The following NFU1 variants were observed in gnomAD, a reference collection of about 807,000 sequenced individuals.
NFU1 encodes the protein NFU1 iron-sulfur cluster scaffold.
NFU1 carries 30 observed loss-of-function variants against 32.2 expected under a neutral mutation model. The ratio of observed to expected loss-of-function variants is 0.93; its 90% CI spans 0.70 to 1.26. NFU1 has a LOEUF of 1.26. Ranked by LOEUF, NFU1 falls within the 50% of genes most tolerant of loss-of-function variation. The pLI, the probability that NFU1 is intolerant of heterozygous loss-of-function variation, is 0.00. For missense variants in NFU1, 306 were observed against 306.6 expected (o/e 1.00, Z 0.02); for synonymous variants, 112 against 104.6 (o/e 1.07, Z -0.43).
At chr2:69,406,589 G>A (rs1278142567) in intron 5 of NFU1, among the ~76,000 whole-genome samples, 1 of 152,020 alleles carries the variant, frequency 6.6e-6, no homozygotes, top group Non-Finnish European at 1.5e-5. Flanking sequence ...TTTTCTTCTT[G>A]AGACAGCGTT....
At chr2:69,421,206 C>T (rs1388576220) in intron 3 of NFU1, among the ~76,000 whole-genome samples, 2 of 151,638 alleles carry the variant, frequency 1.3e-5, no homozygotes, top group Non-Finnish European at 2.9e-5. Flanking sequence ...AAAGTGAAAC[C>T]TTATCTCAAA....
At chr2:69,438,891 TCCAACCCCCCAC>T (rs1390078463), upstream of NFU1, among the ~76,000 whole-genome samples, 1 of 26,808 alleles carries the variant, frequency 3.7e-5, no homozygotes, top group Non-Finnish European at 6.6e-5. Context: ...TCTTCCCCCA[TCCAACCCCCCAC>T]CCACCCCCCC....
intron 2 of NFU1, among the ~76,000 whole-genome samples, chr2:69,426,930 G>A (rs748382665): frequency 2.7e-5 from 4 of 150,812 alleles, no homozygotes; most frequent in Non-Finnish European, 3.0e-5. Flanking sequence ...TTAGCCAGAC[G>A]TGGTGGTATC....
In NFU1 at chr2:69,423,659, T is replaced by C; in HGVS notation, c.225A>G (p.Ile75Met). 6.2e-7 allele frequency: 1 copy of C among 1,612,390 alleles called. No individual in the cohort carries two copies. Among genetic ancestry groups the C allele is most frequent in the South Asian group, 1.1e-5 (1 of 91,044 alleles). Reference sequence around the variant, plus strand: ...TTGTCTCAAGAACTGGTTTTCCTGGTATAAACTTTAAGCTGTTTGGATTTG... The same window carrying C: ...TTGTCTCAAGAACTGGTTTTCCTGGCATAAACTTTAAGCTGTTTGGATTTG... ...DTPNPNSLKF[I>M]PGKPVLETRT... The change falls in exon 3 of 8, where the codon ATA becomes ATG. Residue 75 changes from isoleucine to methionine, a missense_variant. Transcript: ENST00000410022.
rs778748968 is a variant in NFU1 at position 69,431,889 on chromosome 2, G to C, written c.166+13C>G. 2 of 1,525,682 alleles carry C rather than the reference G, an allele frequency of 1.3e-6. No homozygotes were observed. The highest frequency in any genetic ancestry group is 1.8e-6 in the Non-Finnish European group (2 of 1,099,470). The allele number at this position is 1,525,682 out of a possible 1,614,324, so 94.5% of individuals were successfully genotyped here. A position where few individuals can be genotyped will look rare whatever the true frequency, so the allele number is the denominator to read the frequency against. On this transcript the variant is annotated intron_variant, in intron 2 of 7. Transcript: ENST00000410022. The stretch of plus-strand genomic sequence containing the variant: ...TCTGAAACACAACTGCTATAAAAGA[G>C]GTGAAATTTTACCTGGGTGATAAAA...
intron 6 of NFU1, among the ~76,000 whole-genome samples, chr2:69,402,996 C>CCT (rs1558810247): frequency 6.8e-6 from 1 of 147,762 alleles, no homozygotes; most frequent in African/African-American, 2.5e-5. Flanking sequence ...CCCCTCCCTC[C>CCT]CTCCTTCCTT....
intron 2 of NFU1, among the ~76,000 whole-genome samples, chr2:69,424,600 A>G (rs1673391947): frequency 6.6e-6 from 1 of 152,072 alleles, no homozygotes; most frequent in African/African-American, 2.4e-5. Context: ...TACACTGATT[A>G]TTTAAATAGT....
intron 7 of NFU1, among the ~76,000 whole-genome samples, chr2:69,397,043 C>G (rs1290998267): frequency 6.6e-6 from 1 of 151,434 alleles, no homozygotes; most frequent in African/African-American, 2.4e-5. Context: ...ATAGAGCACT[C>G]CAGCTTGGTG....
chr2:69,412,410 GGA>G (rs1284896144), intron 5 of NFU1, among the ~76,000 whole-genome samples: 1 of 149,970 alleles, frequency 6.7e-6, no homozygotes, highest in Non-Finnish European at 1.5e-5. Context: ...TTTTTGAGAT[GGA>G]GTCTCGCCCT....
At chr2:69,416,060 G>A (rs937711655) in intron 4 of NFU1, 7 of 151,314 alleles carry the variant, frequency 4.6e-5, no homozygotes, top group East Asian at 1.9e-4. Flanking sequence ...GCAGGCAGGC[G>A]AAGAGAGGAA....
intron 3 of NFU1, among the ~76,000 whole-genome samples, chr2:69,421,851 C>T (rs564099752): frequency 1.3e-5 from 2 of 151,956 alleles, no homozygotes; most frequent in Non-Finnish European, 2.9e-5. Context: ...GATGAGCCAC[C>T]GCACCTGGCC....
upstream of NFU1, among the ~76,000 whole-genome samples, chr2:69,438,739 G>T (rs1287210988): frequency 6.6e-6 from 1 of 152,092 alleles, no homozygotes; most frequent in Non-Finnish European, 1.5e-5. Flanking sequence ...ATCTAAGAGG[G>T]TGGGTGGGTT....
chr2:69,404,381 A>G lies in NFU1; in HGVS notation c.545+1641T>C, dbSNP rs1299530234. The stretch of plus-strand genomic sequence containing the variant: ...GTGGTACATGCCTGTAATCCCAGCT[A>G]CTCAGGAGGCTGAGGCAGGAGAATC... On this transcript the variant is annotated intron_variant, in intron 6 of 7. Transcript: ENST00000410022. Among the ~76,000 whole-genome samples, 4 of 149,448 alleles carry G rather than the reference A, an allele frequency of 2.7e-5. No homozygotes were observed. In the East Asian group the frequency reaches 6.3e-4, roughly 24 times the overall value.
At chr2:69,397,904 AACT>A (rs1672391795) in intron 7 of NFU1, among the ~76,000 whole-genome samples, 1 of 133,360 alleles carries the variant, frequency 7.5e-6, no homozygotes, top group African/African-American at 3.2e-5. Flanking sequence ...ACAAGAGTGA[AACT>A]ACGTCTCAAA....
chr2:69,437,161 G>T, intron 1 of NFU1, 200 bp downstream of exon 1: 2 of 1,208,792 alleles, frequency 1.7e-6, no homozygotes, highest in Non-Finnish European at 2.2e-6. Context: ...CAGAGAGTCC[G>T]CCCGGATTAG....
In NFU1 at chr2:69,411,891, C is replaced by G. The variant is rs149548696; in HGVS notation, c.484+3294G>C. ...CACAGGTGTGGGGCGTGGTGTCCAG[C>G]CCAGAATATTTTTTAAAAACCTGTT... On this transcript the variant is annotated intron_variant, in intron 5 of 7. Coordinates refer to ENST00000410022, the MANE Select transcript of NFU1 (RefSeq NM_001002755.4). Among the ~76,000 whole-genome samples, 6 of 152,206 alleles carry G rather than the reference C, an allele frequency of 3.9e-5. No homozygotes were observed. The East Asian group carries it at 9.6e-4, about 24-fold the overall frequency.
At chr2:69,432,374 A>G (rs1368121897) in intron 1 of NFU1, among the ~76,000 whole-genome samples, 1 of 152,188 alleles carries the variant, frequency 6.6e-6, no homozygotes, top group Non-Finnish European at 1.5e-5. Flanking sequence ...TGGGAGTTCA[A>G]GACCAGCCTG....
intron 2 of NFU1, among the ~76,000 whole-genome samples, chr2:69,423,937 G>A (rs1478377506): frequency 1.3e-5 from 2 of 151,814 alleles, no homozygotes; most frequent in East Asian, 3.9e-4. Context: ...CACTTAGGGA[G>A]GCCGAGGCGG....
intron 4 of NFU1, among the ~76,000 whole-genome samples, chr2:69,418,562 G>A (rs907052936): frequency 1.8e-4 from 27 of 152,240 alleles, no homozygotes; most frequent in African/African-American, 6.3e-4. Context: ...CGCCTCCCGG[G>A]TTCACGCCAT....
Sources: gnomAD v4.1 joint callset for allele counts (sites outside exome capture counted in the v4.1 genomes callset) on GRCh38, gnomAD v4.1.1 for gene constraint, MANE v1.5 for transcripts, NCBI Gene and HGNC (gene_info 2026-07-23, HGNC 2026-07-21) for gene names.